PPP1R9A: variants seen among roughly 807,000 people sequenced by gnomAD.
PPP1R9A encodes neurabin-1.
In PPP1R9A, 59 loss-of-function variants were observed where a neutral mutation model predicts 141.9. That is an observed-to-expected ratio of 0.42 (90% CI 0.34 to 0.52). The LOEUF is 0.52. Ranked by LOEUF, PPP1R9A falls within the 20% of genes least tolerant of loss-of-function variation. The probability of loss-of-function intolerance (pLI) is 0.10; values close to 1 mark genes in which losing one functional copy is unlikely to be tolerated. For synonymous variants in PPP1R9A, 500 were observed against 569.7 expected, an observed-to-expected ratio of 0.88 and a Z score of 1.74; for missense variants, 1,444 against 1,611.9, an observed-to-expected ratio of 0.90 and a Z score of 1.78.
intron 4 of PPP1R9A, among the ~76,000 whole-genome samples, chr7:95,134,463 A>G (rs1825263327): frequency 6.6e-6 from 1 of 152,234 alleles, no homozygotes; most frequent in African/African-American, 2.4e-5. Flanking sequence ...CTGCACATGT[A>G]TTCACTCTTG....
chr7:95,002,501 T>C (rs11979765), intron 2 of PPP1R9A, among the ~76,000 whole-genome samples: 2,046 of 152,204 alleles, frequency 0.013, 51 homozygotes, highest in African/African-American at 0.047. Flanking sequence ...CAGAGGAAAG[T>C]CAAATTAGGG....
At chr7:95,073,520 T>C (rs1010123149) in intron 2 of PPP1R9A, among the ~76,000 whole-genome samples, 1 of 151,960 alleles carries the variant, frequency 6.6e-6, no homozygotes, top group Non-Finnish European at 1.5e-5. Context: ...TTCTCTAAAA[T>C]TAATTGATGC....
chr7:94,998,098 T>C (rs1043028794), intron 2 of PPP1R9A, among the ~76,000 whole-genome samples: 2 of 152,208 alleles, frequency 1.3e-5, no homozygotes, highest in African/African-American at 2.4e-5. Context: ...TTATTTTAAT[T>C]GTGACTTTGA....
At position 95,144,067 on chromosome 7, in the gene PPP1R9A, A is replaced by G. The variant is rs149614408; in HGVS notation, c.1650-17800A>G. ...TACACAATATGTTATTGTTAACTAT[A>G]CTCACTATGCTATACATTTGGTCTC... On this transcript the variant is annotated intron_variant, in intron 4 of 19. Coordinates refer to ENST00000433360, the MANE Select transcript of PPP1R9A (RefSeq NM_001166160.2). Among the ~76,000 whole-genome samples, 1,418 of 152,214 alleles carry G rather than the reference A, an allele frequency of 9.3e-3. 11 individuals are homozygous for G. The highest frequency in any genetic ancestry group is 0.014 in the Non-Finnish European group (980 of 67,972).
chr7:95,249,550 T>C (rs1040790519), intron 9 of PPP1R9A, among the ~76,000 whole-genome samples: 6 of 152,132 alleles, frequency 3.9e-5, no homozygotes, highest in Non-Finnish European at 7.4e-5. Flanking sequence ...TTCAAATCCA[T>C]GCTGAATGAC....
At chr7:95,010,390 T>G (rs1167569071) in intron 2 of PPP1R9A, among the ~76,000 whole-genome samples, 1 of 151,818 alleles carries the variant, frequency 6.6e-6, no homozygotes, top group East Asian at 1.9e-4. Flanking sequence ...GGTAACAGAG[T>G]GAGACTCTAG....
chr7:95,114,148 G>A (rs1013722410), intron 3 of PPP1R9A, among the ~76,000 whole-genome samples: 7 of 152,120 alleles, frequency 4.6e-5, no homozygotes, highest in Non-Finnish European at 1.0e-4. Context: ...TCTATAAATT[G>A]TAGCATATCT....
intron 2 of PPP1R9A, among the ~76,000 whole-genome samples, chr7:94,920,440 A>G (rs1447256027): frequency 6.6e-6 from 1 of 152,114 alleles, no homozygotes; most frequent in African/African-American, 2.4e-5. Context: ...TACAAAGAAG[A>G]CAGCGAAATA....
At chr7:94,977,972 A>G (rs969625422) in intron 2 of PPP1R9A, among the ~76,000 whole-genome samples, 3 of 151,888 alleles carry the variant, frequency 2.0e-5, no homozygotes, top group African/African-American at 7.3e-5. Context: ...CATATTGGCC[A>G]GGCTGGTCTT....
intron 3 of PPP1R9A, among the ~76,000 whole-genome samples, chr7:95,118,995 AAAAG>A (rs902456469): frequency 9.9e-5 from 15 of 151,824 alleles, no homozygotes; most frequent in African/African-American, 2.2e-4. Context: ...CAAAAAAAAA[AAAAG>A]AAGAAGAAGA....
intron 2 of PPP1R9A, among the ~76,000 whole-genome samples, chr7:95,084,065 T>G (rs1189287189): frequency 6.6e-6 from 1 of 152,080 alleles, no homozygotes; most frequent in Non-Finnish European, 1.5e-5. Flanking sequence ...GACATCTTTT[T>G]AAAGTTCTTA....
chr7:95,237,111 T>C (rs539338302), intron 8 of PPP1R9A, among the ~76,000 whole-genome samples: 2 of 150,792 alleles, frequency 1.3e-5, no homozygotes, highest in South Asian at 4.2e-4. Flanking sequence ...TCCTCATTTA[T>C]GCAAAAAGCA....
chr7:95,139,648 CT>C (rs1324274441), intron 4 of PPP1R9A, among the ~76,000 whole-genome samples: 1 of 151,986 alleles, frequency 6.6e-6, no homozygotes, highest in Non-Finnish European at 1.5e-5. Context: ...TCGTAGAGTA[CT>C]TTTTTGCAAA....
At chr7:95,086,719 T>A (rs1816682504) in intron 2 of PPP1R9A, among the ~76,000 whole-genome samples, 1 of 152,032 alleles carries the variant, frequency 6.6e-6, no homozygotes, top group African/African-American at 2.4e-5. Context: ...ATAAAATATG[T>A]ATACTAAAAT....
chr7:95,277,254 A>G (rs1307014061), intron 16 of PPP1R9A, among the ~76,000 whole-genome samples: 1 of 152,176 alleles, frequency 6.6e-6, no homozygotes, highest in Non-Finnish European at 1.5e-5. Flanking sequence ...TCCTCTCTAT[A>G]AAGAGTTTAC....
intron 8 of PPP1R9A, among the ~76,000 whole-genome samples, chr7:95,226,381 A>T (rs1006503877): frequency 2.0e-5 from 3 of 152,148 alleles, no homozygotes; most frequent in Non-Finnish European, 4.4e-5. Context: ...ATGATGTTTA[A>T]GTTATATTTT....
intron 2 of PPP1R9A, among the ~76,000 whole-genome samples, chr7:94,961,418 A>G (rs1274572014): frequency 6.6e-6 from 1 of 151,600 alleles, no homozygotes; most frequent in Non-Finnish European, 1.5e-5. Flanking sequence ...GTAAATAAAA[A>G]AAACTGATAG....
intron 2 of PPP1R9A, among the ~76,000 whole-genome samples, chr7:95,100,707 A>C (rs955908508): frequency 6.6e-6 from 1 of 152,066 alleles, no homozygotes; most frequent in Non-Finnish European, 1.5e-5. Context: ...ATCTATGACC[A>C]CCTTGGATGG....
chr7:95,122,254 C>T (rs1025164719), intron 4 of PPP1R9A, among the ~76,000 whole-genome samples: 22 of 150,078 alleles, frequency 1.5e-4, no homozygotes, highest in African/African-American at 4.9e-4. Flanking sequence ...TCAAGTGATT[C>T]TCCTGCCTCA....
Sources: allele counts gnomAD v4.1 joint callset (sites outside exome capture counted in the v4.1 genomes callset), GRCh38; gene constraint gnomAD v4.1.1; transcripts MANE v1.5; gene names NCBI Gene and HGNC (gene_info 2026-07-23, HGNC 2026-07-21).